The following TMEM132D variants were observed in gnomAD, a reference collection of about 807,000 sequenced individuals.
TMEM132D encodes transmembrane protein 132D.
TMEM132D carries 21 observed loss-of-function variants against 62.3 expected under a neutral mutation model. The ratio of observed to expected loss-of-function variants is 0.34; its 90% CI spans 0.24 to 0.49. The LOEUF (loss-of-function observed/expected upper bound fraction) is 0.49. Ranked by LOEUF, TMEM132D falls within the 20% of genes least tolerant of loss-of-function variation. The pLI is 0.99. For synonymous variants in TMEM132D, 621 were observed against 575.6 expected (o/e 1.08, Z -1.13); for missense variants, 1,346 against 1,402.8 (o/e 0.96, Z 0.65).
intron 1 of TMEM132D, among the ~76,000 whole-genome samples, chr12:129,715,248 G>A (rs1307796875): frequency 6.6e-6 from 1 of 151,658 alleles, no homozygotes; most frequent in Non-Finnish European, 1.5e-5. Context: ...AGAGGAGCAT[G>A]AGCAGGAGGA....
At chr12:129,399,954 A>C (rs1871570173) in intron 3 of TMEM132D, among the ~76,000 whole-genome samples, 1 of 152,150 alleles carries the variant, frequency 6.6e-6, no homozygotes. Context: ...TGATATCAAA[A>C]TTAGTAGGAA....
At chr12:129,429,734 C>T (rs938767678) in intron 3 of TMEM132D, among the ~76,000 whole-genome samples, 1 of 130,276 alleles carries the variant, frequency 7.7e-6, no homozygotes, top group Non-Finnish European at 1.6e-5. Context: ...TCCCTCCCCC[C>T]TCCCCCGACC....
intron 3 of TMEM132D, among the ~76,000 whole-genome samples, chr12:129,460,440 GA>G (rs755796111): frequency 6.6e-6 from 1 of 152,088 alleles, no homozygotes; most frequent in African/African-American, 2.4e-5. Flanking sequence ...AGGCTGCCGG[GA>G]TCTGAGTAGC....
At chr12:129,208,359 G>A (rs1056805479) in intron 5 of TMEM132D, among the ~76,000 whole-genome samples, 2 of 152,208 alleles carry the variant, frequency 1.3e-5, no homozygotes, top group African/African-American at 4.8e-5. Flanking sequence ...ATGTGAAGAA[G>A]ATTCTGGAAT....
At chr12:129,712,284 C>A (rs1373757212) in intron 1 of TMEM132D, among the ~76,000 whole-genome samples, 3 of 152,060 alleles carry the variant, frequency 2.0e-5, no homozygotes, top group Admixed American at 6.5e-5. Flanking sequence ...ACCTCCATGC[C>A]TGGCTAATTT....
At position 129,335,605 on chromosome 12, in the gene TMEM132D, C is replaced by G. The variant is rs537548315; in HGVS notation, c.1299+2029G>C. Reference sequence around the variant, plus strand: ...ATGTTATTCTTTTTCCTGGGAGACTCGTAATGACCAATGAAAAATGGAAAA... The same window carrying G: ...ATGTTATTCTTTTTCCTGGGAGACTGGTAATGACCAATGAAAAATGGAAAA... On this transcript the variant is annotated intron_variant, in intron 4 of 8. Coordinates refer to ENST00000422113, the MANE Select transcript of TMEM132D (RefSeq NM_133448.3). Among the ~76,000 whole-genome samples, 22 of 152,138 alleles carry G rather than the reference C, an allele frequency of 1.4e-4. No individual in the cohort carries two copies. The South Asian group carries it at 2.5e-3, about 17-fold the overall frequency.
At chr12:129,889,679 A>T (rs1336852938) in intron 1 of TMEM132D, among the ~76,000 whole-genome samples, 1 of 152,226 alleles carries the variant, frequency 6.6e-6, no homozygotes, top group African/African-American at 2.4e-5. Flanking sequence ...CTAAAGAAAG[A>T]TCCTTGTAAC....
chr12:129,254,379 C>T (rs571616696), intron 4 of TMEM132D, among the ~76,000 whole-genome samples: 7 of 152,110 alleles, frequency 4.6e-5, no homozygotes, highest in Non-Finnish European at 8.8e-5. Context: ...ATTTATAAAA[C>T]GGTGTCTGTG....
In TMEM132D at chr12:129,529,441, G is replaced by C. The variant is rs555824502; in HGVS notation, c.1115+1618C>G. Among the ~76,000 whole-genome samples the C allele has an allele frequency of 6.6e-5, 10 of 152,204 alleles. No individual in the cohort carries two copies. In the South Asian group the frequency reaches 1.9e-3, roughly 29 times the overall value. ...TTCAATGGGAAGGAGCCACCATTGG[G>C]CCCCCCCATGCTCTCTCTCTGTGTC... On this transcript the variant is annotated intron_variant, in intron 3 of 8. Transcript: ENST00000422113.
At chr12:129,789,531 C>T (rs941134121) in intron 1 of TMEM132D, among the ~76,000 whole-genome samples, 2 of 152,118 alleles carry the variant, frequency 1.3e-5, no homozygotes, top group East Asian at 1.9e-4. Context: ...CAATATACAC[C>T]GTGGAATACT....
At chr12:129,323,031 G>A (rs1868771674) in intron 4 of TMEM132D, among the ~76,000 whole-genome samples, 1 of 152,178 alleles carries the variant, frequency 6.6e-6, no homozygotes, top group Non-Finnish European at 1.5e-5. Flanking sequence ...ACCATACAGT[G>A]CAGTTTAAGT....
At chr12:129,186,234 T>C (rs1303393810) in intron 5 of TMEM132D, among the ~76,000 whole-genome samples, 1 of 152,188 alleles carries the variant, frequency 6.6e-6, no homozygotes, top group African/African-American at 2.4e-5. Context: ...CCTTGGTGCA[T>C]CTCCAGCTCA....
intron 3 of TMEM132D, among the ~76,000 whole-genome samples, chr12:129,387,849 C>T (rs1871157206): frequency 8.6e-6 from 1 of 116,304 alleles, no homozygotes. Context: ...GACATCAATA[C>T]TAACACCAAC....
At chr12:129,244,958 G>T (rs1393025622) in intron 4 of TMEM132D, among the ~76,000 whole-genome samples, 1 of 152,108 alleles carries the variant, frequency 6.6e-6, no homozygotes, top group Non-Finnish European at 1.5e-5. Context: ...CTTTTGTGAG[G>T]ACATTAAAGC....
intron 2 of TMEM132D, among the ~76,000 whole-genome samples, chr12:129,579,591 G>T (rs929789869): frequency 1.3e-5 from 2 of 152,186 alleles, no homozygotes; most frequent in Non-Finnish European, 2.9e-5. Flanking sequence ...AAAGACCCTG[G>T]AGTCTGATGT....
chr12:129,580,253 C>T (rs560063976), intron 2 of TMEM132D, among the ~76,000 whole-genome samples: 2 of 152,160 alleles, frequency 1.3e-5, no homozygotes, highest in African/African-American at 4.8e-5. Context: ...ATAAGACACA[C>T]AGCCTAAGTG....
At chr12:129,610,487 A>G (rs1446058083) in intron 2 of TMEM132D, among the ~76,000 whole-genome samples, 1 of 152,128 alleles carries the variant, frequency 6.6e-6, no homozygotes, top group Non-Finnish European at 1.5e-5. Context: ...CATCTTGATC[A>G]CCTACTTCCA....
intron 3 of TMEM132D, among the ~76,000 whole-genome samples, chr12:129,404,236 T>C (rs145004374): frequency 1.4e-3 from 215 of 152,268 alleles, no homozygotes; most frequent in African/African-American, 5.0e-3. Flanking sequence ...TCTTACTCTG[T>C]TGCCCAGGCT....
intron 1 of TMEM132D, among the ~76,000 whole-genome samples, chr12:129,884,750 GCAAT>G: frequency 6.6e-6 from 1 of 152,210 alleles, no homozygotes; most frequent in Non-Finnish European, 1.5e-5. Flanking sequence ...TGTGACCCCA[GCAAT>G]GTCATCCCTG....
Sources: allele counts gnomAD v4.1 joint callset (sites outside exome capture counted in the v4.1 genomes callset), GRCh38; gene constraint gnomAD v4.1.1; transcripts MANE v1.5; gene names NCBI Gene and HGNC (gene_info 2026-07-23, HGNC 2026-07-21).